The following TRMT13 variants were observed in gnomAD, a reference collection of about 807,000 sequenced individuals.
The protein encoded by TRMT13 is tRNA methyltransferase 13, also known as tRNA:m(4)X modification enzyme TRM13 homolog.
Under a neutral mutation model 55.9 loss-of-function variants are expected in TRMT13, and 45 were observed. The ratio of observed to expected loss-of-function variants is 0.80; its 90% CI spans 0.63 to 1.03. TRMT13 has a LOEUF of 1.03. Ranked by LOEUF, TRMT13 falls within the 50% of genes least tolerant of loss-of-function variation. The pLI, the probability that TRMT13 is intolerant of heterozygous loss-of-function variation, is 0.00. For missense variants in TRMT13, 513 were observed against 563.9 expected (o/e 0.91, Z 0.91); for synonymous variants, 183 against 196.3 (o/e 0.93, Z 0.57).
intron 1 of TRMT13, among the ~76,000 whole-genome samples, chr1:100,134,085 A>AT (rs551828864): frequency 4.3e-4 from 65 of 151,962 alleles, no homozygotes; most frequent in Non-Finnish European, 2.5e-4. Context: ...AGAAAAAAAA[A>AT]TTTTTTTCGA....
rs1199801094 is a variant in TRMT13 at position 100,133,174 on chromosome 1, G to T, written c.6G>T (p.Ala2=). M[A]TSATSPHAPG... ...CGGAAGCGAGCCCTAGAATTATGGC[G>T]ACCTCCGCGACGTCGCCGCACGCGC... The change falls in exon 1 of 11, where the codon GCG becomes GCT. Residue 2 remains alanine, a synonymous_variant. Coordinates refer to ENST00000370141, the MANE Select transcript of TRMT13 (RefSeq NM_019083.3). 5.6e-6 allele frequency: 9 copies of T among 1,614,108 alleles called. No individual in the cohort carries two copies. Among genetic ancestry groups the T allele is most frequent in the South Asian group, 3.3e-5 (3 of 91,044 alleles).
At chr1:100,146,997 TATCAG>T (rs1177360392) in intron 9 of TRMT13, among the ~76,000 whole-genome samples, 1 of 152,198 alleles carries the variant, frequency 6.6e-6, no homozygotes, top group African/African-American at 2.4e-5. Flanking sequence ...ACTAGTGAAA[TATCAG>T]ATCATTTAAT....
chr1:100,138,658 G>A (rs912614479), intron 3 of TRMT13, among the ~76,000 whole-genome samples: 2 of 152,038 alleles, frequency 1.3e-5, no homozygotes, highest in African/African-American at 4.8e-5. Flanking sequence ...GTCCCCAAGA[G>A]TTATTTTCAC....
Position 100,148,022 on chromosome 1 carries a change from A to T in TRMT13, c.946A>T (p.Asn316Tyr), listed in dbSNP as rs758226832. The change falls in exon 10 of 11, where the codon AAT becomes TAT. Residue 316 changes from asparagine (N) to tyrosine (Y), a missense_variant. Physicochemically the swap from Asn to Tyr is moderately radical, Grantham distance 143. Around this residue, in one of 3 missense-constraint regions of TRMT13, gnomAD observed 209 missense variants for 255.8 expected, o/e 0.82. Transcript: ENST00000370141. ...KEIYTLAKEG[N>Y]EKNVPEKWNP... is the part of the protein sequence containing the mutation. ...AATTTACACTTTGGCCAAGGAAGGA[A>T]ATGAAAAAAATGTCCCAGAGAAGTG... is the stretch of plus-strand genomic sequence containing the variant. 3.1e-6 allele frequency: 5 copies of T among 1,614,212 alleles called. No individual in the cohort carries two copies. Among genetic ancestry groups the T allele is most frequent in the South Asian group, 1.1e-5 (1 of 91,088 alleles).
At chr1:100,136,298 T>C (rs1243242588) in intron 1 of TRMT13, among the ~76,000 whole-genome samples, 1 of 152,214 alleles carries the variant, frequency 6.6e-6, no homozygotes, top group Non-Finnish European at 1.5e-5. Flanking sequence ...AGGATACATC[T>C]TAAAATCCAT....
chr1:100,143,187 T>C lies in TRMT13; in HGVS notation c.720T>C (p.Ile240=). The C allele has an allele frequency of 6.2e-7, 1 of 1,609,092 alleles. No individual in the cohort carries two copies. The highest frequency in any genetic ancestry group is 8.5e-7 in the Non-Finnish European group (1 of 1,176,798). ...KKNSVFERLQ[I]DIQHLCLNKI... The stretch of plus-strand genomic sequence containing the variant: ...ATTCAGTGTTTGAAAGACTTCAAAT[T>C]GATATTCAACACTTGTGTTTGAGTA... Residue 240 remains isoleucine, a synonymous_variant, in exon 8 of 11, where the codon ATT becomes ATC. Coordinates refer to ENST00000370141, the MANE Select transcript of TRMT13 (RefSeq NM_019083.3).
At chr1:100,142,741 C>A (rs1656778484) in intron 7 of TRMT13, among the ~76,000 whole-genome samples, 1 of 152,042 alleles carries the variant, frequency 6.6e-6, no homozygotes, top group African/African-American at 2.4e-5. Flanking sequence ...ATCAGCCGGT[C>A]GTGGGCACAT....
intron 9 of TRMT13, chr1:100,144,368 A>G (rs72971900): frequency 0.014 from 6,127 of 423,072 alleles, 340 homozygotes; most frequent in African/African-American, 0.11. Flanking sequence ...TAAATACTGC[A>G]TCACATTAGA....
chr1:100,133,393 C>G, intron 1 of TRMT13, 78 bp downstream of exon 1: 3 of 1,483,358 alleles, frequency 2.0e-6, no homozygotes, highest in South Asian at 1.3e-5. Context: ...GGCCCCTCCC[C>G]TCTTTGACAG....
intron 7 of TRMT13, among the ~76,000 whole-genome samples, chr1:100,141,773 T>C (rs996260920): frequency 6.6e-6 from 1 of 152,154 alleles, no homozygotes; most frequent in East Asian, 1.9e-4. Flanking sequence ...AGGGAAGAGA[T>C]GGAGAATGAC....
intron 1 of TRMT13, 26 bp downstream of exon 1, chr1:100,133,341 G>T (rs372251736): frequency 1.9e-6 from 3 of 1,611,070 alleles, no homozygotes; most frequent in Non-Finnish European, 2.5e-6. Flanking sequence ...ACTCTCTCAA[G>T]AGTCGGAAAT....
intron 1 of TRMT13, among the ~76,000 whole-genome samples, chr1:100,136,492 CCTAAT>C (rs1234641149): frequency 6.6e-6 from 1 of 151,990 alleles, no homozygotes; most frequent in Non-Finnish European, 1.5e-5. Flanking sequence ...TTTGTACAAA[CCTAAT>C]ATGTGATAAA....
At chr1:100,133,390 C>T in intron 1 of TRMT13, 75 bp downstream of exon 1, 1 of 1,502,454 alleles carries the variant, frequency 6.7e-7, no homozygotes, top group South Asian at 1.2e-5. Flanking sequence ...CCCGGCCCCT[C>T]CCCTCTTTGA....
intron 3 of TRMT13, among the ~76,000 whole-genome samples, chr1:100,138,604 C>T (rs1023565015): frequency 1.3e-5 from 2 of 152,214 alleles, no homozygotes; most frequent in Admixed American, 1.3e-4. Context: ...TGTTACCTTT[C>T]TGCCTCCATG....
rs1570758184 is a variant in TRMT13, at chr1:100,150,384, A to G, written c.*1564A>G. On this transcript the variant is annotated 3_prime_UTR_variant, in exon 11 of 11. Transcript: ENST00000370141. Reference sequence around the variant, plus strand: ...AAGGGAACCTAAATGAAGATATATCATTAAATAATTAACCTTTTTTTATTG... The same window carrying G: ...AAGGGAACCTAAATGAAGATATATCGTTAAATAATTAACCTTTTTTTATTG... 6.6e-6 allele frequency: 1 copy of G among 152,224 alleles called. No homozygotes were observed. The highest frequency in any genetic ancestry group is 1.9e-4 in the East Asian group (1 of 5,200). 9.4% of individuals were successfully genotyped at this position (152,224 alleles called of 1,614,324 possible).
chr1:100,148,597 A>G (rs772295224), intron 10 of TRMT13, 28 bp from the exon 11 acceptor site: 1 of 1,577,300 alleles, frequency 6.3e-7, no homozygotes, highest in Non-Finnish European at 8.6e-7. Context: ...AATTTTAACA[A>G]TGTTTTGTGT....
intron 9 of TRMT13, among the ~76,000 whole-genome samples, chr1:100,145,203 T>C (rs895426829): frequency 2.4e-4 from 37 of 152,196 alleles, no homozygotes; most frequent in Admixed American, 6.5e-4. Flanking sequence ...TAGGTTTGTG[T>C]AGTACACTCT....
intron 1 of TRMT13, among the ~76,000 whole-genome samples, chr1:100,133,516 G>A (rs761933702): frequency 4.6e-5 from 7 of 152,148 alleles, no homozygotes; most frequent in Non-Finnish European, 1.0e-4. Flanking sequence ...ATTTTTCTAA[G>A]TAAAGCGCCA....
chr1:100,145,888 C>G (rs897427938), intron 9 of TRMT13, among the ~76,000 whole-genome samples: 1 of 152,198 alleles, frequency 6.6e-6, no homozygotes, highest in Non-Finnish European at 1.5e-5. Context: ...CAATCAATCT[C>G]AGACCCATCT....
Sources: gnomAD v4.1 joint callset for allele counts (sites outside exome capture counted in the v4.1 genomes callset) on GRCh38, gnomAD v4.1.1 for gene constraint, gnomAD v4.1.1 regional missense constraint, MANE v1.5 for transcripts, NCBI Gene and HGNC (gene_info 2026-07-23, HGNC 2026-07-21) for gene names.